The following NOTCH3 variants were observed in gnomAD, a reference collection of about 807,000 sequenced individuals.
The protein encoded by NOTCH3 is notch receptor 3, also known as neurogenic locus notch homolog protein 3.
NOTCH3 carries 86 observed loss-of-function variants against 213.3 expected under a neutral mutation model. The ratio of observed to expected loss-of-function variants is 0.40; its 90% CI spans 0.34 to 0.48. The LOEUF (loss-of-function observed/expected upper bound fraction) is 0.48. Ranked by LOEUF, NOTCH3 falls within the 20% of genes least tolerant of loss-of-function variation. The pLI is 0.57. For synonymous variants in NOTCH3, 1,354 were observed against 1,355.9 expected (o/e 1.00, Z 0.03); for missense variants, 2,783 against 3,272.6 (o/e 0.85, Z 3.65).
At chr19:15,177,383 G>A in intron 24 of NOTCH3, 142 bp downstream of exon 24, 1 of 760,400 alleles carries the variant, frequency 1.3e-6, no homozygotes, top group Non-Finnish European at 2.3e-6. Context: ...CAGACACGTG[G>A]GACACACCGA....
chr19:15,177,655 AG>A lies in NOTCH3; in HGVS notation c.4272del (p.Trp1425GlyfsTer153). The A allele has an allele frequency of 6.4e-7, 1 of 1,559,742 alleles. No homozygotes were observed. Among genetic ancestry groups the A allele is most frequent in the Non-Finnish European group, 8.6e-7 (1 of 1,159,498 alleles). On this transcript the variant is annotated frameshift_variant, in exon 24 of 33. Transcript: ENST00000263388. LOFTEE classifies it high-confidence loss of function. ...CACTGCAGCGCCTCGCATTGCCGCCAGGGGTCGCCCACGCTCAGCGAGCAGT... is the reference window on the plus strand; with the variant it reads ...CACTGCAGCGCCTCGCATTGCCGCCAGGGTCGCCCACGCTCAGCGAGCAGT... Reference protein sequence around the residue: ...GGDCSLSVGDPWRQCEALQCW... With the variant: ...GGDCSLSVGDXWRQCEALQCW...
chr19:15,169,526 T>C (rs2145398329), intron 28 of NOTCH3, among the ~76,000 whole-genome samples: 1 of 152,172 alleles, frequency 6.6e-6, no homozygotes, highest in South Asian at 2.1e-4. Context: ...CCCGCCACCA[T>C]GCCCAGCTAA....
At position 15,186,379 on chromosome 19, in the gene NOTCH3, ATG is replaced by A. The variant is rs36233245; in HGVS notation, c.1951+497_1951+498del. Among the ~76,000 whole-genome samples, 1,249 of 138,534 alleles carry A rather than the reference ATG, an allele frequency of 9.0e-3. 14 individuals carry two copies. The highest frequency in any genetic ancestry group is 0.022 in the African/African-American group (803 of 36,328). 90.9% of individuals were successfully genotyped at this position (138,534 alleles called of 152,430 possible). ...GAATAATCTTTTTGTTTGTTTTTGT[ATG>A]TGTGTGTGTGTGTGTGTGTGTGTGT... On this transcript the variant is annotated intron_variant, in intron 12 of 32. Coordinates refer to ENST00000263388, the MANE Select transcript of NOTCH3 (RefSeq NM_000435.3).
Position 15,192,450 on chromosome 19 carries a change from G to A in NOTCH3, c.267C>T (p.Gly89=), listed in dbSNP as rs780210842. The A allele has an allele frequency of 5.0e-6, 8 of 1,612,368 alleles. No homozygotes were observed. In the Admixed American group the frequency reaches 1.3e-4, roughly 27 times the overall value. The change falls in exon 3 of 33, where the codon GGC becomes GGT. Residue 89 remains glycine, a synonymous_variant. Coordinates refer to ENST00000263388, the MANE Select transcript of NOTCH3 (RefSeq NM_000435.3). The part of the protein sequence containing the change: ...EDPCHSGPCA[G]RGVCQSSVVA... ...CCACTGAACTCTGGCAGACACCACG[G>A]CCAGCACAGGGGCCTGAGTGACAGG... is the stretch of plus-strand genomic sequence containing the variant.
chr19:15,162,226 C>A, intron 32 of NOTCH3: 2 of 527,828 alleles, frequency 3.8e-6, no homozygotes, highest in Non-Finnish European at 3.4e-6. Context: ...AAGTAATCCA[C>A]CCATCTCGAC....
chr19:15,163,737 G>A (rs1029226138), intron 31 of NOTCH3, among the ~76,000 whole-genome samples: 9 of 152,130 alleles, frequency 5.9e-5, no homozygotes, highest in Non-Finnish European at 7.3e-5. Flanking sequence ...AGGGTGGGAT[G>A]GGAGGATCAC....
At chr19:15,166,865 T>G (rs2046690307) in intron 29 of NOTCH3, among the ~76,000 whole-genome samples, 1 of 152,144 alleles carries the variant, frequency 6.6e-6, no homozygotes, top group East Asian at 1.9e-4. Flanking sequence ...TTGGTCAATT[T>G]GCATATTCCA....
intron 1 of NOTCH3, among the ~76,000 whole-genome samples, chr19:15,198,443 G>C (rs938748881): frequency 1.3e-5 from 2 of 152,168 alleles, no homozygotes; most frequent in Non-Finnish European, 2.9e-5. Flanking sequence ...GGAGAAGACA[G>C]AGAAGGACAG....
At chr19:15,181,203 C>G (rs1305561152) in intron 17 of NOTCH3, 41 bp from the exon 18 acceptor site, 1 of 1,541,616 alleles carries the variant, frequency 6.5e-7, no homozygotes, top group South Asian at 1.2e-5. Flanking sequence ...GGCTCCGCCC[C>G]CTCACAGGCC....
Position 15,187,170 on chromosome 19 carries a change from C to T in NOTCH3, c.1775G>A (p.Arg592His), listed in dbSNP as rs763115768. ...QVDECRSQPC[R>H]HGGKCLDLVD... ...CAGGTCTAGGCATTTGCCGCCATGG[C>T]GGCAGGGCTGGCTGCGGCATTCGTC... Residue 592 changes from arginine (R) to histidine (H), a missense_variant, in exon 11 of 33, where the codon CGC becomes CAC. This residue lies in a region of NOTCH3 where 708 missense variants were observed against 906.6 expected (regional missense o/e 0.78). Coordinates refer to ENST00000263388, the MANE Select transcript of NOTCH3 (RefSeq NM_000435.3). The T allele has an allele frequency of 1.4e-5, 22 of 1,614,008 alleles. No individual in the cohort carries two copies. In the African/African-American group the frequency reaches 1.6e-4, roughly 12 times the overall value.
rs369660955 is a variant in NOTCH3 at position 15,167,585 on chromosome 19, G to A, written c.5200-174C>T. On this transcript the variant is annotated intron_variant, in intron 28 of 32. Coordinates refer to ENST00000263388, the MANE Select transcript of NOTCH3 (RefSeq NM_000435.3). Reference sequence around the variant, plus strand: ...TTATTTGTTTTTGAGACAGAGTCTCGCTCTGTCCCCCAGGCTGGAGTGCAG... The same window carrying A: ...TTATTTGTTTTTGAGACAGAGTCTCACTCTGTCCCCCAGGCTGGAGTGCAG... 7.2e-5 allele frequency among the ~76,000 whole-genome samples: 11 copies of A among 152,158 alleles called. No individual in the cohort carries two copies. The South Asian group carries it at 1.2e-3, about 17-fold the overall frequency.
chr19:15,168,897 C>T (rs1250650719), intron 28 of NOTCH3, among the ~76,000 whole-genome samples: 1 of 151,972 alleles, frequency 6.6e-6, no homozygotes, highest in African/African-American at 2.4e-5. Flanking sequence ...TATAAAATTT[C>T]CATGTGCCTG....
chr19:15,191,109 C>A (rs1372120827), intron 6 of NOTCH3, among the ~76,000 whole-genome samples: 1 of 151,724 alleles, frequency 6.6e-6, no homozygotes, highest in Non-Finnish European at 1.5e-5. Flanking sequence ...TCTTGGCTCA[C>A]TGCAATCTCC....
chr19:15,194,350 C>T (rs1049200383), intron 2 of NOTCH3, among the ~76,000 whole-genome samples: 4 of 152,182 alleles, frequency 2.6e-5, no homozygotes, highest in Non-Finnish European at 5.9e-5. Flanking sequence ...TGAGAAACGT[C>T]TGGAGCCACC....
rs2145436860 is a variant in NOTCH3, at chr19:15,189,263, C to A, written c.1192+10G>T. On this transcript the variant is annotated intron_variant, in intron 7 of 32. Transcript: ENST00000263388. ...CCCAGCCCATTCACAGACGATGGAG[C>A]TCCCCTCACCGATAGAGCACTCGTC... The A allele has an allele frequency of 6.2e-7, 1 of 1,614,002 alleles. No homozygotes were observed. Among genetic ancestry groups the A allele is most frequent in the Non-Finnish European group, 8.5e-7 (1 of 1,180,016 alleles).
chr19:15,166,309 T>TG (rs1750701910), intron 29 of NOTCH3, among the ~76,000 whole-genome samples: 1 of 152,168 alleles, frequency 6.6e-6, no homozygotes, highest in Non-Finnish European at 1.5e-5. Flanking sequence ...CAAGGGACTC[T>TG]GGGAGTCAAG....
chr19:15,170,206 C>T, intron 27 of NOTCH3, 36 bp from the exon 28 acceptor site: 1 of 1,537,198 alleles, frequency 6.5e-7, no homozygotes, highest in Non-Finnish European at 9.0e-7. Context: ...GTGAGGGGGA[C>T]ACTAGAGGTG....
intron 5 of NOTCH3, 31 bp from the exon 6 acceptor site, chr19:15,191,688 C>A (rs1447319087): frequency 6.2e-7 from 1 of 1,613,386 alleles, no homozygotes; most frequent in African/African-American, 1.3e-5. Context: ...AGTCCAGCCA[C>A]CTGGCGCATG....
intron 31 of NOTCH3, among the ~76,000 whole-genome samples, chr19:15,164,946 A>C (rs12981158): frequency 0.18 from 27,324 of 151,998 alleles, 3,011 homozygotes; most frequent in African/African-American, 0.31. Context: ...GCACATGGCT[A>C]ATCTTTCAAA....
Sources: gnomAD v4.1 joint callset for allele counts (sites outside exome capture counted in the v4.1 genomes callset) on GRCh38, gnomAD v4.1.1 for gene constraint, gnomAD v4.1.1 regional missense constraint, MANE v1.5 for transcripts, NCBI Gene and HGNC (gene_info 2026-07-23, HGNC 2026-07-21) for gene names.